The following NBPF26 variants were observed in gnomAD, a reference collection of about 807,000 sequenced individuals.
The protein encoded by NBPF26 is NBPF family member NBPF26.
NBPF26 carries 79 observed loss-of-function variants against 119.6 expected under a neutral mutation model. The ratio of observed to expected loss-of-function variants is 0.66; its 90% CI spans 0.55 to 0.80. The LOEUF is 0.80. Among genes scored for constraint, NBPF26 ranks in the 30% least tolerant of loss-of-function variants. NBPF26 has a pLI of 0.00. For missense variants in NBPF26, 800 were observed against 1,198.2 expected (o/e 0.67, Z 4.91); for synonymous variants, 299 against 457.7 (o/e 0.65, Z 4.43).
chr1:120,770,619 T>G (rs1454050717), intron 2 of NBPF26, among the ~76,000 whole-genome samples: 1 of 121,368 alleles, frequency 8.2e-6, no homozygotes, highest in African/African-American at 4.6e-5. Context: ...TGTATTTACT[T>G]TAGTCCTCAT....
intron 14 of NBPF26, 134 bp downstream of exon 14, chr1:120,816,961 T>G (rs1652021756): frequency 1.7e-6 from 2 of 1,151,778 alleles, no homozygotes; most frequent in South Asian, 2.9e-5. Flanking sequence ...TCAGGGAGTT[T>G]TTTGTCCTTC....
chr1:120,819,306 C>T (rs1481320510), intron 15 of NBPF26, among the ~76,000 whole-genome samples: 1 of 115,938 alleles, frequency 8.6e-6, no homozygotes, highest in Non-Finnish European at 1.7e-5. Flanking sequence ...GCAACCCCTG[C>T]CTTTTTTTTG....
At position 120,805,618 on chromosome 1, in the gene NBPF26, A is replaced by G. The variant is rs1260761422; in HGVS notation, c.814A>G (p.Ser272Gly). 2.7e-6 allele frequency: 4 copies of G among 1,463,056 alleles called. 1 individual carries two copies. In the South Asian group the frequency reaches 3.6e-5, roughly 13 times the overall value. The allele number at this position is 1,463,056 out of a possible 1,614,324, so 90.6% of individuals were successfully genotyped here. A position where few individuals can be genotyped will look rare whatever the true frequency, so the allele number is the denominator to read the frequency against. The change falls in exon 5 of 30, where the codon AGT becomes GGT. Residue 272 changes from serine to glycine, a missense_variant. This residue lies in a region of NBPF26 where 155 missense variants were observed against 143.7 expected (regional missense o/e 1.08). Coordinates refer to ENST00000620612, the Ensembl canonical transcript of NBPF26. ...GGTGGTATCAGCCGGCCATTGGTCC[A>G]GTGAGAAGGCAGAGATGAACATTCT...
chr1:120,793,370 T>C lies in NBPF26; in HGVS notation c.625T>C (p.Cys209Arg), dbSNP rs1377735295. Residue 209 changes from cysteine (C) to arginine (R), a missense_variant, in exon 4 of 30, where the codon TGC (cysteine) becomes CGC (arginine). Transcript: ENST00000620612. ...CCTGCCTGGTTCCTACCAGTGCCAG[T>C]GCCTTCAGGGCTTCACAGGCCAGTA... 7.7e-5 allele frequency: 110 copies of C among 1,431,744 alleles called. 26 individuals are homozygous for C. The East Asian group carries it at 1.1e-3, about 15-fold the overall frequency. The allele number at this position is 1,431,744 out of a possible 1,614,324, so 88.7% of individuals were successfully genotyped here.
rs1553270445 is a variant in NBPF26 at position 120,808,414 on chromosome 1, C to T, written c.1065-131C>T. ...ATTCTTTCTCTTGGCCACAGACATT[C>T]CTTTCAACGTGTGCTGACCTTCTGT... On this transcript the variant is annotated intron_variant, in intron 6 of 29. Coordinates refer to ENST00000620612, the Ensembl canonical transcript of NBPF26. The T allele has an allele frequency of 1.3e-4, 106 of 792,002 alleles. 7 individuals carry two copies. Among genetic ancestry groups the T allele is most frequent in the Non-Finnish European group, 1.8e-4 (91 of 494,714 alleles). The allele number at this position is 792,002 out of a possible 1,614,324, so 49.1% of individuals were successfully genotyped here.
In NBPF26 at chr1:120,784,881, G is replaced by A. The variant is rs1270228111; in HGVS notation, c.156-93G>A. 7.1e-5 allele frequency: 74 copies of A among 1,035,174 alleles called. 16 individuals are homozygous for A. The highest frequency in any genetic ancestry group is 1.3e-4 in the East Asian group (5 of 38,820). 64.1% of individuals were successfully genotyped at this position (1,035,174 alleles called of 1,614,324 possible). A position where few individuals can be genotyped will look rare whatever the true frequency, so the allele number is the denominator to read the frequency against. ...TGTAGGTCTGTTGATTCACAATCTCGTGCTTTCTTGATTGGACTGTATTGT... is the reference window on the plus strand; with the variant it reads ...TGTAGGTCTGTTGATTCACAATCTCATGCTTTCTTGATTGGACTGTATTGT... On this transcript the variant is annotated intron_variant, in intron 2 of 29. Transcript: ENST00000620612.
exon 30 of NBPF26, chr1:120,840,441 C>A: frequency 6.8e-7 from 1 of 1,474,860 alleles, no homozygotes; most frequent in Admixed American, 1.8e-5. Flanking sequence ...GTACTTTGAA[C>A]TACCTGACTC....
At chr1:120,762,493 A>G (rs1453619417) in intron 1 of NBPF26, among the ~76,000 whole-genome samples, 1 of 112,902 alleles carries the variant, frequency 8.9e-6, no homozygotes, top group Non-Finnish European at 1.7e-5. Flanking sequence ...CAATTTATGC[A>G]TAGAGTGGTG....
chr1:120,728,007 G>T lies in NBPF26; in HGVS notation c.73+3757G>T, dbSNP rs1387076892. On this transcript the variant is annotated intron_variant, in intron 1 of 29. Transcript: ENST00000620612. The stretch of plus-strand genomic sequence containing the variant: ...GGTCCTCCATTTTCTGATGTTCATT[G>T]TTCATGGTCACAGAGCCAATTAGAG... 3.4e-5 allele frequency among the ~76,000 whole-genome samples: 4 copies of T among 118,938 alleles called. 1 individual carries two copies. Among genetic ancestry groups the T allele is most frequent in the Non-Finnish European group, 4.9e-5 (3 of 61,276 alleles). 78.0% of individuals were successfully genotyped at this position (118,938 alleles called of 152,430 possible).
chr1:120,795,854 T>C (rs1200338755), intron 4 of NBPF26, among the ~76,000 whole-genome samples: 1 of 14,388 alleles, frequency 7.0e-5, no homozygotes, highest in Non-Finnish European at 1.3e-4. Flanking sequence ...TAAAAATATA[T>C]GTTCATGTTA....
chr1:120,784,780 A>G (rs1233360214), intron 2 of NBPF26, among the ~76,000 whole-genome samples, 194 bp from the exon 3 acceptor site: 1 of 118,784 alleles, frequency 8.4e-6, no homozygotes, highest in Non-Finnish European at 1.6e-5. Context: ...CCAGGACTCA[A>G]AAGGACATGG....
intron 1 of NBPF26, among the ~76,000 whole-genome samples, chr1:120,725,942 A>C (rs1183818623): frequency 2.8e-5 from 3 of 106,094 alleles, no homozygotes; most frequent in Non-Finnish European, 5.3e-5. Flanking sequence ...GAGGGTAATA[A>C]TCCTTGGTCT....
At position 120,730,515 on chromosome 1, in the gene NBPF26, T is replaced by A. The variant is rs1175209064; in HGVS notation, c.73+6265T>A. The stretch of plus-strand genomic sequence containing the variant: ...AAGTGGCTTCAGATCTGAAAGGATA[T>A]GCTCATAGGCTTGAGACGGGACAAA... On this transcript the variant is annotated intron_variant, in intron 1 of 29. Transcript: ENST00000620612. Among the ~76,000 whole-genome samples the A allele has an allele frequency of 1.6e-3, 146 of 93,834 alleles. 26 individuals are homozygous for A. Among genetic ancestry groups the A allele is most frequent in the South Asian group, 9.1e-4 (3 of 3,290 alleles). The allele number at this position is 93,834 out of a possible 152,430, so 61.6% of individuals were successfully genotyped here.
chr1:120,811,855 C>A lies in NBPF26; in HGVS notation c.1565-31C>A. On this transcript the variant is annotated intron_variant, in intron 9 of 29. Transcript: ENST00000620612. The stretch of plus-strand genomic sequence containing the variant: ...CCTATTTGATTTCACCAGTTTTTAA[C>A]CCATCATGTGTTTGCCTTTCTTCTC... 4.0e-6 allele frequency: 3 copies of A among 749,994 alleles called. 1 individual carries two copies. The highest frequency in any genetic ancestry group is 2.9e-5 in the South Asian group (2 of 68,464). The allele number at this position is 749,994 out of a possible 1,614,324, so 46.5% of individuals were successfully genotyped here. A position where few individuals can be genotyped will look rare whatever the true frequency, so the allele number is the denominator to read the frequency against.
chr1:120,745,330 C>A (rs1650969767), intron 1 of NBPF26, among the ~76,000 whole-genome samples: 1 of 75,328 alleles, frequency 1.3e-5, no homozygotes, highest in Non-Finnish European at 2.3e-5. Flanking sequence ...TATGGACAAG[C>A]ATTGTTTCTT....
chr1:120,743,815 C>T (rs1650955978), intron 1 of NBPF26, among the ~76,000 whole-genome samples: 1 of 127,558 alleles, frequency 7.8e-6, no homozygotes, highest in South Asian at 2.4e-4. Flanking sequence ...GATAAAAGCA[C>T]ATTTAACAAA....
At chr1:120,806,670 G>A (rs1449206785) in intron 5 of NBPF26, among the ~76,000 whole-genome samples, 1 of 121,610 alleles carries the variant, frequency 8.2e-6, no homozygotes, top group East Asian at 2.0e-4. Context: ...GTGAAGTCCT[G>A]CTTCCTGGTG....
At chr1:120,823,384 G>T in intron 17 of NBPF26, 24 bp downstream of exon 17, 1 of 1,253,936 alleles carries the variant, frequency 8.0e-7, no homozygotes, top group South Asian at 1.2e-5. Context: ...ATTGTGGACA[G>T]TTAATTTGAT....
At chr1:120,824,087 A>G in exon 18 of NBPF26, 1 of 473,068 alleles carries the variant, frequency 2.1e-6, no homozygotes, top group East Asian at 3.0e-5. Context: ...TGCCAGCCCT[A>G]CAGAAGTGCC....
Sources: allele counts gnomAD v4.1 joint callset (sites outside exome capture counted in the v4.1 genomes callset), GRCh38; gene constraint gnomAD v4.1.1; regional missense constraint gnomAD v4.1.1; transcripts MANE v1.5; gene names NCBI Gene and HGNC (gene_info 2026-07-23, HGNC 2026-07-21).